ADAP2: variants seen among roughly 807,000 people sequenced by gnomAD.
The protein encoded by ADAP2 is arf-GAP with dual PH domain-containing protein 2.
A neutral mutation model predicts 54.9 loss-of-function variants in ADAP2; 42 were observed. The ratio of observed to expected loss-of-function variants is 0.77; its 90% CI spans 0.60 to 0.99. The LOEUF (loss-of-function observed/expected upper bound fraction) is 0.99. Among genes scored for constraint, ADAP2 ranks in the 50% least tolerant of loss-of-function variants. ADAP2 has a pLI of 0.00. For synonymous variants in ADAP2, 177 were observed against 180.1 expected (o/e 0.98, Z 0.14); for missense variants, 429 against 480.4 (o/e 0.89, Z 1.00).
rs1450050051 is a variant in ADAP2, at chr17:30,956,319, A to G, written c.961A>G (p.Ile321Val). 4 of 1,614,226 alleles carry G rather than the reference A, an allele frequency of 2.5e-6. No individual in the cohort carries two copies. Among genetic ancestry groups the G allele is most frequent in the African/African-American group, 1.3e-5 (1 of 75,066 alleles). Residue 321 changes from isoleucine (I) to valine (V), a missense_variant, in exon 10 of 11, where the codon ATC becomes GTC. Ile to Val is a conservative substitution (Grantham distance 29, BLOSUM62 3). Transcript: ENST00000330889. ...AGCCTACGAAGACCTGCCCAAGGGC[A>G]TCCGAGGAAATCGCTGGAAAGCCGG... ...YEAYEDLPKG[I>V]RGNRWKAGLT...
At chr17:30,923,177 GC>G (rs1910769812) in intron 2 of ADAP2, 107 bp downstream of exon 2, 1 of 1,313,342 alleles carries the variant, frequency 7.6e-7, no homozygotes. Flanking sequence ...CCAGAGAGGG[GC>G]AAGTCTAGCT....
At chr17:30,935,363 C>T (rs1235276269) in intron 5 of ADAP2, among the ~76,000 whole-genome samples, 1 of 151,918 alleles carries the variant, frequency 6.6e-6, no homozygotes, top group Non-Finnish European at 1.5e-5. Context: ...AGTGAAACTC[C>T]GTCTCAAGAA....
At chr17:30,944,820 G>A in intron 5 of ADAP2, 87 bp from the exon 6 acceptor site, 1 of 1,319,630 alleles carries the variant, frequency 7.6e-7, no homozygotes, top group Non-Finnish European at 1.1e-6. Flanking sequence ...ACAGATTGAT[G>A]CTTGTTTGCA....
At chr17:30,937,398 T>A (rs749536390) in intron 5 of ADAP2, among the ~76,000 whole-genome samples, 9 of 151,940 alleles carry the variant, frequency 5.9e-5, no homozygotes, top group Non-Finnish European at 1.2e-4. Flanking sequence ...ATTTTTGTAT[T>A]TTTAGTAGAG....
chr17:30,940,053 C>T (rs1912157259), intron 5 of ADAP2, among the ~76,000 whole-genome samples: 1 of 152,114 alleles, frequency 6.6e-6, no homozygotes, highest in Admixed American at 6.6e-5. Context: ...CCACAACCTC[C>T]CAGGCTCAAG....
At chr17:30,937,071 G>A (rs1476729825) in intron 5 of ADAP2, among the ~76,000 whole-genome samples, 1 of 151,898 alleles carries the variant, frequency 6.6e-6, no homozygotes, top group East Asian at 1.9e-4. Context: ...GGGATTACAG[G>A]CGCGCACCAC....
chr17:30,953,020 G>A (rs992551524), intron 7 of ADAP2, among the ~76,000 whole-genome samples: 2 of 152,120 alleles, frequency 1.3e-5, no homozygotes, highest in African/African-American at 4.8e-5. Context: ...GCAGAGCCTT[G>A]CCTATGTCCA....
In ADAP2 at chr17:30,931,766, A is replaced by G. The variant is rs1352590618; in HGVS notation, c.318-123A>G. 8 of 623,296 alleles carry G rather than the reference A, an allele frequency of 1.3e-5. No homozygotes were observed. The Admixed American group carries it at 2.3e-4, about 18-fold the overall frequency. The allele number at this position is 623,296 out of a possible 1,614,324, so 38.6% of individuals were successfully genotyped here. ...GGCCTAGGAGGTCTAGGCTGCAGTG[A>G]GCCGTGATCACGTGATCACACCACT... On this transcript the variant is annotated intron_variant, in intron 3 of 10. Transcript: ENST00000330889.
At chr17:30,935,936 C>A (rs1314511803) in intron 5 of ADAP2, among the ~76,000 whole-genome samples, 1 of 152,070 alleles carries the variant, frequency 6.6e-6, no homozygotes, top group Non-Finnish European at 1.5e-5. Context: ...ATTCACATAC[C>A]ATATAATTCA....
intron 4 of ADAP2, among the ~76,000 whole-genome samples, chr17:30,933,025 G>A (rs1598032283): frequency 6.6e-6 from 1 of 152,096 alleles, no homozygotes; most frequent in Non-Finnish European, 1.5e-5. Context: ...ATTGTGCAGG[G>A]TACAACCTCT....
Position 30,928,970 on chromosome 17 carries a change from C to T in ADAP2, c.317+2052C>T, listed in dbSNP as rs181562720. ...CAGAAAGCAGCTGCATTTCAGCTGC[C>T]GAGCCTCAGCAAGGTGCTTTTGGGC... On this transcript the variant is annotated intron_variant, in intron 3 of 10. Transcript: ENST00000330889. Among the ~76,000 whole-genome samples the T allele has an allele frequency of 7.9e-5, 12 of 152,166 alleles. No individual in the cohort carries two copies. The South Asian group carries it at 1.9e-3, about 24-fold the overall frequency.
chr17:30,953,286 A>G lies in ADAP2; in HGVS notation c.742-2A>G. ...GGGTCAGTGTCTGTCTCTCTTCCCC[A>G]GCTCGTGCCATTCCTCACCAGGAAC... is the stretch of plus-strand genomic sequence containing the variant. On this transcript the variant is annotated splice_acceptor_variant, in intron 7 of 10. Transcript: ENST00000330889. LOFTEE classifies it high-confidence loss of function. 1 of 1,614,028 alleles carries G rather than the reference A, an allele frequency of 6.2e-7. No individual in the cohort carries two copies. Among genetic ancestry groups the G allele is most frequent in the Non-Finnish European group, 8.5e-7 (1 of 1,180,010 alleles).
At chr17:30,940,553 C>T (rs1477631847) in intron 5 of ADAP2, among the ~76,000 whole-genome samples, 1 of 152,198 alleles carries the variant, frequency 6.6e-6, no homozygotes, top group Non-Finnish European at 1.5e-5. Context: ...GATTCGCCCG[C>T]CTTGGTCTCT....
At chr17:30,922,152 C>G (rs979396638) in intron 1 of ADAP2, 44 bp downstream of exon 1, 7 of 1,200,828 alleles carry the variant, frequency 5.8e-6, no homozygotes, top group Non-Finnish European at 7.3e-6. Context: ...CCCGGCCGGA[C>G]CCCAGGCCCA....
intron 5 of ADAP2, among the ~76,000 whole-genome samples, chr17:30,937,412 G>A (rs1269406953): frequency 6.6e-6 from 1 of 151,994 alleles, no homozygotes; most frequent in Non-Finnish European, 1.5e-5. Context: ...AGTAGAGACA[G>A]GGTTTCACCA....
intron 4 of ADAP2, among the ~76,000 whole-genome samples, chr17:30,933,267 A>G (rs184337894): frequency 6.6e-6 from 1 of 152,150 alleles, no homozygotes; most frequent in Admixed American, 6.5e-5. Context: ...GGCTCACTGC[A>G]ACTTCCACAT....
chr17:30,948,757 T>C (rs1904359559), intron 6 of ADAP2, among the ~76,000 whole-genome samples: 1 of 152,196 alleles, frequency 6.6e-6, no homozygotes, highest in Admixed American at 6.5e-5. Flanking sequence ...TAAGTTGCCA[T>C]GAGCATCCTC....
rs1340521330 is a variant in ADAP2, at chr17:30,925,617, A to C, written c.226-1210A>C. Among the ~76,000 whole-genome samples, 3 of 132,480 alleles carry C rather than the reference A, an allele frequency of 2.3e-5. No individual in the cohort carries two copies. In the Admixed American group the frequency reaches 2.6e-4, roughly 11 times the overall value. The allele number at this position is 132,480 out of a possible 152,430, so 86.9% of individuals were successfully genotyped here. ...TCTTTCTTTTTTTTTTTTGAGACGG[A>C]GTCTCACTCACTCTGTTGCCCAGGT... On this transcript the variant is annotated intron_variant, in intron 2 of 10. Coordinates refer to ENST00000330889, the MANE Select transcript of ADAP2 (RefSeq NM_018404.3).
At position 30,957,936 on chromosome 17, in the gene ADAP2, C is replaced by A; in HGVS notation, c.*67C>A. 1 of 1,495,696 alleles carries A rather than the reference C, an allele frequency of 6.7e-7. No homozygotes were observed. Among genetic ancestry groups the A allele is most frequent in the Non-Finnish European group, 9.2e-7 (1 of 1,084,696 alleles). 92.7% of individuals were successfully genotyped at this position (1,495,696 alleles called of 1,614,324 possible). On this transcript the variant is annotated 3_prime_UTR_variant, in exon 11 of 11. Transcript: ENST00000330889. ...TCCTTGTGGGAAGAAGTTTGCACCTCGGCCCTGGCTGCCCACCATCAGTGC... is the reference window on the plus strand; with the variant it reads ...TCCTTGTGGGAAGAAGTTTGCACCTAGGCCCTGGCTGCCCACCATCAGTGC...
Sources: allele counts gnomAD v4.1 joint callset (sites outside exome capture counted in the v4.1 genomes callset), GRCh38; gene constraint gnomAD v4.1.1; transcripts MANE v1.5; gene names NCBI Gene and HGNC (gene_info 2026-07-23, HGNC 2026-07-21).